Variants in EDIL3 observed in about 807,000 individuals in gnomAD.
EDIL3 encodes EGF like and discoidin domains 3, also known as EGF-like repeat and discoidin I-like domain-containing protein 3.
EDIL3 carries 37 observed loss-of-function variants against 67.4 expected under a neutral mutation model. That is an observed-to-expected ratio of 0.55 (90% CI 0.42 to 0.72). The LOEUF (loss-of-function observed/expected upper bound fraction) is 0.72. EDIL3 is among the 30% of genes least tolerant of loss of function. The pLI is 0.00. For synonymous variants in EDIL3, 195 were observed against 196.3 expected (o/e 0.99, Z 0.05); for missense variants, 527 against 586.3 (o/e 0.90, Z 1.04).
At chr5:84,180,616 T>C in intron 3 of EDIL3, 95 bp from the exon 4 acceptor site, 1 of 1,334,782 alleles carries the variant, frequency 7.5e-7, no homozygotes, top group Non-Finnish European at 9.9e-7. Context: ...CAGAAAAAAG[T>C]GTTCTAGATA....
chr5:84,024,311 A>T (rs1745774701), intron 9 of EDIL3, among the ~76,000 whole-genome samples: 1 of 152,210 alleles, frequency 6.6e-6, no homozygotes, highest in African/African-American at 2.4e-5. Context: ...TCTTAAAATC[A>T]AACATCATTT....
At chr5:83,978,750 T>A (rs570421501) in intron 9 of EDIL3, among the ~76,000 whole-genome samples, 1 of 152,108 alleles carries the variant, frequency 6.6e-6, no homozygotes, top group East Asian at 1.9e-4. Flanking sequence ...TTGGACTCAA[T>A]AAAAGATGCT....
rs2112319957 is a variant in EDIL3, at chr5:84,141,144, A to G, written c.356-3790T>C. 2.0e-5 allele frequency among the ~76,000 whole-genome samples: 3 copies of G among 152,168 alleles called. No individual in the cohort carries two copies. The South Asian group carries it at 6.2e-4, about 32-fold the overall frequency. On this transcript the variant is annotated intron_variant, in intron 4 of 10. Transcript: ENST00000296591. ...CCACATCCATTCCAAATATACTACT[A>G]GGTTATACCATTTAATTAATGAAGA...
chr5:84,085,317 A>T (rs1747049892), intron 6 of EDIL3, among the ~76,000 whole-genome samples: 1 of 152,166 alleles, frequency 6.6e-6, no homozygotes, highest in Non-Finnish European at 1.5e-5. Context: ...TCATGGAGTT[A>T]TCTACCTTTG....
chr5:84,185,037 G>A (rs1749085173), intron 3 of EDIL3, among the ~76,000 whole-genome samples: 1 of 152,090 alleles, frequency 6.6e-6, no homozygotes, highest in South Asian at 2.1e-4. Flanking sequence ...GACAATATGA[G>A]TGTACATATT....
intron 1 of EDIL3, among the ~76,000 whole-genome samples, chr5:84,326,868 C>T (rs2112161331): frequency 6.6e-6 from 1 of 151,838 alleles, no homozygotes; most frequent in Middle Eastern, 3.4e-3. Context: ...ATTTATCTTT[C>T]ATTGTTTTTA....
In EDIL3 at chr5:84,132,392, T is replaced by C. The variant is rs1192294508; in HGVS notation, c.469+4849A>G. Among the ~76,000 whole-genome samples the C allele has an allele frequency of 2.1e-3, 195 of 91,586 alleles. 4 individuals are homozygous for C. Among genetic ancestry groups the C allele is most frequent in the African/African-American group, 0.01 (184 of 18,100 alleles). The allele number at this position is 91,586 out of a possible 152,430, so 60.1% of individuals were successfully genotyped here. A position where few individuals can be genotyped will look rare whatever the true frequency, so the allele number is the denominator to read the frequency against. ...TATATATTATATATAATATATTTTA[T>C]ATATAATATATATTTTAACATATAT... On this transcript the variant is annotated intron_variant, in intron 5 of 10. Coordinates refer to ENST00000296591, the MANE Select transcript of EDIL3 (RefSeq NM_005711.5).
intron 3 of EDIL3, among the ~76,000 whole-genome samples, chr5:84,188,922 C>A (rs1743521759): frequency 1.3e-5 from 2 of 152,128 alleles, no homozygotes; most frequent in African/African-American, 2.4e-5. Context: ...GAAGCCCTAG[C>A]AAACTAATAC....
intron 1 of EDIL3, among the ~76,000 whole-genome samples, chr5:84,340,534 C>CTCTATA (rs1432966515): frequency 5.0e-4 from 27 of 54,204 alleles, no homozygotes; most frequent in South Asian, 8.9e-4. Flanking sequence ...CTCTCTCTCT[C>CTCTATA]TATATATATA....
chr5:84,330,127 C>T (rs1312404728), intron 1 of EDIL3, among the ~76,000 whole-genome samples: 2 of 151,750 alleles, frequency 1.3e-5, no homozygotes, highest in African/African-American at 4.9e-5. Flanking sequence ...CCTCAAATAA[C>T]CAATTCATCT....
At position 84,131,129 on chromosome 5, in the gene EDIL3, C is replaced by G. The variant is rs111431758; in HGVS notation, c.469+6112G>C. Among the ~76,000 whole-genome samples, 897 of 151,574 alleles carry G rather than the reference C, an allele frequency of 5.9e-3. 14 individuals are homozygous for G. Among genetic ancestry groups the G allele is most frequent in the African/African-American group, 0.021 (854 of 41,288 alleles). On this transcript the variant is annotated intron_variant, in intron 5 of 10. Transcript: ENST00000296591. Reference sequence around the variant, plus strand: ...TTTTTTTTCAAATAACTAAAAAATCCTATGTATATATATTTATGCAATTAT... The same window carrying G: ...TTTTTTTTCAAATAACTAAAAAATCGTATGTATATATATTTATGCAATTAT...
intron 3 of EDIL3, among the ~76,000 whole-genome samples, chr5:84,193,194 T>C (rs1032785760): frequency 6.6e-6 from 1 of 152,022 alleles, no homozygotes; most frequent in African/African-American, 2.4e-5. Context: ...GAGAATACTT[T>C]GAAAGGATCT....
chr5:84,361,739 G>A (rs569014227), intron 1 of EDIL3, among the ~76,000 whole-genome samples: 1 of 151,810 alleles, frequency 6.6e-6, no homozygotes, highest in Non-Finnish European at 1.5e-5. Context: ...CAAGTATACC[G>A]TATAAACAAA....
chr5:84,203,521 A>T (rs113100270), intron 3 of EDIL3, among the ~76,000 whole-genome samples: 3 of 152,140 alleles, frequency 2.0e-5, no homozygotes, highest in African/African-American at 7.2e-5. Flanking sequence ...CACGTTCCTG[A>T]TGGGTCATAA....
chr5:84,281,960 G>A (rs193294310), intron 1 of EDIL3, among the ~76,000 whole-genome samples: 3 of 146,648 alleles, frequency 2.0e-5, no homozygotes, highest in Admixed American at 7.0e-5. Flanking sequence ...TCTGCCTCCC[G>A]GATTCAAGTG....
intron 5 of EDIL3, among the ~76,000 whole-genome samples, chr5:84,119,883 A>G (rs1056655830): frequency 6.6e-6 from 1 of 151,866 alleles, no homozygotes; most frequent in Non-Finnish European, 1.5e-5. Context: ...TATCTTCAGC[A>G]TATCCTTTTT....
chr5:84,262,101 A>T (rs943261572), intron 1 of EDIL3, among the ~76,000 whole-genome samples: 13 of 152,316 alleles, frequency 8.5e-5, no homozygotes, highest in South Asian at 6.2e-4. Flanking sequence ...CCCTTAAAAG[A>T]ACCTACAGTT....
At chr5:84,284,684 T>A (rs1358963197) in intron 1 of EDIL3, among the ~76,000 whole-genome samples, 1 of 152,126 alleles carries the variant, frequency 6.6e-6, no homozygotes, top group Non-Finnish European at 1.5e-5. Context: ...TTTCCAAAAA[T>A]CTGTAAATCC....
At chr5:83,994,131 T>C (rs776348575) in intron 9 of EDIL3, among the ~76,000 whole-genome samples, 4 of 152,186 alleles carry the variant, frequency 2.6e-5, no homozygotes, top group African/African-American at 9.6e-5. Context: ...TTTGTGTACA[T>C]AGGCATTTTA....
Sources: gnomAD v4.1 joint callset for allele counts (sites outside exome capture counted in the v4.1 genomes callset) on GRCh38, gnomAD v4.1.1 for gene constraint, MANE v1.5 for transcripts, NCBI Gene and HGNC (gene_info 2026-07-23, HGNC 2026-07-21) for gene names.